The following FAM53B variants were observed in gnomAD, a reference collection of about 807,000 sequenced individuals.
FAM53B encodes protein FAM53B.
FAM53B carries 12 observed loss-of-function variants against 32.7 expected under a neutral mutation model. That is an observed-to-expected ratio of 0.37 (90% CI 0.24 to 0.59). The LOEUF is 0.59. Ranked by LOEUF, FAM53B falls within the 20% of genes least tolerant of loss-of-function variation. The probability of loss-of-function intolerance (pLI) is 0.72; values close to 1 mark genes in which losing one functional copy is unlikely to be tolerated. For missense variants in FAM53B, 477 were observed against 577.7 expected, an observed-to-expected ratio of 0.83 and a Z score of 1.79; for synonymous variants, 234 against 228.7, an observed-to-expected ratio of 1.02 and a Z score of -0.21.
At chr10:124,707,993 T>C (rs1486795422) in intron 1 of FAM53B, 1 of 152,146 alleles carries the variant, frequency 6.6e-6, no homozygotes, top group Non-Finnish European at 1.5e-5. Context: ...CAGTTCAGGT[T>C]TGAAAAATCC....
At chr10:124,720,197 C>T (rs566257592) in intron 1 of FAM53B, among the ~76,000 whole-genome samples, 1 of 150,528 alleles carries the variant, frequency 6.6e-6, no homozygotes, top group East Asian at 2.0e-4. Context: ...ACCACCAACA[C>T]TGGCCACCTC....
chr10:124,681,698 A>G lies in FAM53B; in HGVS notation c.815T>C (p.Val272Ala). The G allele has an allele frequency of 6.2e-7, 1 of 1,612,104 alleles. No individual in the cohort carries two copies. Among genetic ancestry groups the G allele is most frequent in the Non-Finnish European group, 8.5e-7 (1 of 1,179,160 alleles). Residue 272 changes from valine to alanine, a missense_variant, in exon 4 of 5, where the codon GTC becomes GCC. This residue lies in a region of FAM53B where 312 missense variants were observed against 420.2 expected (regional missense o/e 0.74). Transcript: ENST00000337318. Reference sequence around the variant, plus strand: ...AACACCGACCTTCTTGTCGTTAAGGACACACGGCTGGGAGCGGCTGCGGGA... The same window carrying G: ...AACACCGACCTTCTTGTCGTTAAGGGCACACGGCTGGGAGCGGCTGCGGGA... ...GLSRSRSQPC[V>A]LNDKKVGVKR...
chr10:124,742,308 G>T (rs1950204702), intron 1 of FAM53B: 1 of 152,196 alleles, frequency 6.6e-6, no homozygotes, highest in South Asian at 2.1e-4. Flanking sequence ...CTAGAGGCGG[G>T]GGAGGGGACC....
At chr10:124,736,841 C>T (rs1950176438) in intron 1 of FAM53B, among the ~76,000 whole-genome samples, 1 of 152,324 alleles carries the variant, frequency 6.6e-6, no homozygotes, top group Middle Eastern at 3.4e-3. Context: ...ACGCCCCCTC[C>T]TAGAAGCTGC....
intron 4 of FAM53B, among the ~76,000 whole-genome samples, chr10:124,637,394 T>C (rs1031585734): frequency 1.4e-4 from 21 of 152,304 alleles, no homozygotes; most frequent in African/African-American, 4.8e-4. Context: ...ATCTGCACAA[T>C]GAGGGTCTTC....
intron 2 of FAM53B, among the ~76,000 whole-genome samples, chr10:124,706,122 A>G (rs951085369): frequency 3.3e-5 from 5 of 152,216 alleles, no homozygotes; most frequent in Non-Finnish European, 5.9e-5. Flanking sequence ...TCTCTGCGCT[A>G]GTCCACCAAG....
chr10:124,623,160 TC>T lies in FAM53B; in HGVS notation c.*81del. 6.8e-7 allele frequency: 1 copy of T among 1,477,678 alleles called. No homozygotes were observed. Among genetic ancestry groups the T allele is most frequent in the Non-Finnish European group, 9.0e-7 (1 of 1,106,656 alleles). The allele number at this position is 1,477,678 out of a possible 1,614,324, so 91.5% of individuals were successfully genotyped here. On this transcript the variant is annotated 3_prime_UTR_variant, in exon 5 of 5. Transcript: ENST00000337318. ...CTTTCATCAGGCCCACGAGTTGGGC[TC>T]CCCTTCAAGGGCCCACCTAGTGCCC...
rs866678280 is a variant in FAM53B at position 124,623,537 on chromosome 10, G to A, written c.974C>T (p.Pro325Leu). ...AGTEDCGPQS[P>L]FARHVSNTRA... ...GGTGTTGCTGACGTGGCGGGCGAAG[G>A]GGCTCTGGGGACCGCAGTCCTCTGT... The change falls in exon 5 of 5, where the codon CCC becomes CTC. Residue 325 changes from proline (P) to leucine (L), a missense_variant. Pro to Leu is a moderately conservative substitution (Grantham distance 98). Coordinates refer to ENST00000337318, the MANE Select transcript of FAM53B (RefSeq NM_014661.4). 4 of 1,561,926 alleles carry A rather than the reference G, an allele frequency of 2.6e-6. No individual in the cohort carries two copies. The African/African-American group carries it at 5.4e-5, about 21-fold the overall frequency.
intron 1 of FAM53B, among the ~76,000 whole-genome samples, chr10:124,717,098 G>A (rs1011249203): frequency 2.0e-5 from 3 of 152,180 alleles, no homozygotes; most frequent in African/African-American, 4.8e-5. Context: ...TGGCCTAGGT[G>A]GATCAAGCAG....
In FAM53B at chr10:124,711,329, G is replaced by A. The variant is rs117466903; in HGVS notation, c.-174-4442C>T. Among the ~76,000 whole-genome samples, 791 of 152,206 alleles carry A rather than the reference G, an allele frequency of 5.2e-3. 6 individuals are homozygous for A. Among genetic ancestry groups the A allele is most frequent in the East Asian group, 0.035 (182 of 5,158 alleles). On this transcript the variant is annotated intron_variant, in intron 1 of 4. Transcript: ENST00000337318. ...GGTTGGGGATGGGGCGTGGGAGCAG[G>A]AGGGAAATGGGCGTGGCTATGAAAA...
chr10:124,684,150 G>A (rs1949789327), intron 3 of FAM53B, among the ~76,000 whole-genome samples: 2 of 152,360 alleles, frequency 1.3e-5, no homozygotes, highest in South Asian at 4.1e-4. Context: ...ACTGTCCAGA[G>A]GCTGTATTCA....
chr10:124,709,565 G>A (rs1164625016), intron 1 of FAM53B, among the ~76,000 whole-genome samples: 1 of 152,198 alleles, frequency 6.6e-6, no homozygotes, highest in Non-Finnish European at 1.5e-5. Flanking sequence ...AGGCAGAAAG[G>A]GGGACATTCA....
intron 4 of FAM53B, among the ~76,000 whole-genome samples, chr10:124,626,230 G>A (rs1421763573): frequency 1.3e-5 from 2 of 152,262 alleles, no homozygotes; most frequent in African/African-American, 4.8e-5. Flanking sequence ...TCGGACAGAC[G>A]CCGCACAGCG....
chr10:124,697,424 G>A (rs754948674), intron 2 of FAM53B, among the ~76,000 whole-genome samples: 3 of 152,100 alleles, frequency 2.0e-5, no homozygotes, highest in East Asian at 1.9e-4. Flanking sequence ...GACTAGGAAC[G>A]CCTGGCCCCT....
At chr10:124,631,247 G>A (rs536085805) in intron 4 of FAM53B, among the ~76,000 whole-genome samples, 3 of 152,306 alleles carry the variant, frequency 2.0e-5, no homozygotes, top group African/African-American at 7.2e-5. Context: ...GGTAACTCGA[G>A]GCCTAGGACC....
intron 1 of FAM53B, among the ~76,000 whole-genome samples, chr10:124,732,825 A>G (rs1950152837): frequency 6.6e-6 from 1 of 151,512 alleles, no homozygotes; most frequent in Admixed American, 6.6e-5. Flanking sequence ...GTGAGACTCC[A>G]TCACAAAAAA....
chr10:124,723,789 C>A (rs1408873736), intron 1 of FAM53B, among the ~76,000 whole-genome samples: 4 of 152,238 alleles, frequency 2.6e-5, no homozygotes, highest in Non-Finnish European at 5.9e-5. Flanking sequence ...TCCTGGGAGC[C>A]TCCACAGAGA....
intron 4 of FAM53B, among the ~76,000 whole-genome samples, chr10:124,650,039 C>A (rs1454757999): frequency 6.6e-6 from 1 of 152,172 alleles, no homozygotes; most frequent in African/African-American, 2.4e-5. Flanking sequence ...CTAGATATTT[C>A]TAGCAGTAAA....
chr10:124,653,312 G>A (rs917563339), intron 4 of FAM53B, among the ~76,000 whole-genome samples: 1 of 152,222 alleles, frequency 6.6e-6, no homozygotes, highest in African/African-American at 2.4e-5. Context: ...CTGTGCCTGA[G>A]GCTGGGACAA....
Sources: gnomAD v4.1 joint callset for allele counts (sites outside exome capture counted in the v4.1 genomes callset) on GRCh38, gnomAD v4.1.1 for gene constraint, gnomAD v4.1.1 regional missense constraint, MANE v1.5 for transcripts, NCBI Gene and HGNC (gene_info 2026-07-23, HGNC 2026-07-21) for gene names.